The following IRAG1 variants were observed in gnomAD, a reference collection of about 807,000 sequenced individuals.
IRAG1 encodes the protein IP3R-associated cGMP kinase substrate.
In IRAG1, 62 loss-of-function variants were observed where a neutral mutation model predicts 106.2. That is an observed-to-expected ratio of 0.58 (90% CI 0.48 to 0.72). IRAG1 has a LOEUF of 0.72. Ranked by LOEUF, IRAG1 falls within the 30% of genes least tolerant of loss-of-function variation. IRAG1 has a pLI of 0.00. For synonymous variants in IRAG1, 462 were observed against 443.9 expected (o/e 1.04, Z -0.51); for missense variants, 1,064 against 1,140.7 (o/e 0.93, Z 0.97).
chr11:10,655,334 T>G (rs1280887415), intron 1 of IRAG1, among the ~76,000 whole-genome samples: 1 of 152,112 alleles, frequency 6.6e-6, no homozygotes, highest in Admixed American at 6.5e-5. Flanking sequence ...AGAACAAAAA[T>G]TTGTGTTTAA....
intron 12 of IRAG1, among the ~76,000 whole-genome samples, chr11:10,605,038 C>T (rs1854363217): frequency 6.6e-6 from 1 of 152,160 alleles, no homozygotes; most frequent in African/African-American, 2.4e-5. Context: ...ATTCCAAATC[C>T]TGTATTGATA....
At chr11:10,576,653 C>A in intron 20 of IRAG1, 78 bp from the exon 21 acceptor site, 1 of 1,555,176 alleles carries the variant, frequency 6.4e-7, no homozygotes. Context: ...GTTCTCTCTG[C>A]GGATAGCTTC....
intron 1 of IRAG1, among the ~76,000 whole-genome samples, chr11:10,690,019 G>A (rs976323881): frequency 6.6e-6 from 1 of 152,104 alleles, no homozygotes; most frequent in African/African-American, 2.4e-5. Context: ...AAATAAAAAA[G>A]TAATAGGAAG....
intron 1 of IRAG1, among the ~76,000 whole-genome samples, chr11:10,662,777 C>T (rs1859498677): frequency 6.6e-6 from 1 of 152,222 alleles, no homozygotes; most frequent in Non-Finnish European, 1.5e-5. Flanking sequence ...GGACTCATGG[C>T]TTGATTCCTG....
At chr11:10,580,409 A>G in intron 20 of IRAG1, 46 bp downstream of exon 20, 1 of 1,588,942 alleles carries the variant, frequency 6.3e-7, no homozygotes, top group East Asian at 2.2e-5. Context: ...ATGAATTGTA[A>G]CCCCCATTTC....
At position 10,664,144 on chromosome 11, in the gene IRAG1, C is replaced by T. The variant is rs149405434; in HGVS notation, c.68-11962G>A. 1.9e-3 allele frequency among the ~76,000 whole-genome samples: 289 copies of T among 152,286 alleles called. 2 individuals carry two copies. The highest frequency in any genetic ancestry group is 6.7e-3 in the African/African-American group (277 of 41,558). On this transcript the variant is annotated intron_variant, in intron 1 of 20. Coordinates refer to ENST00000423302, the MANE Select transcript of IRAG1 (RefSeq NM_130385.4). ...CACAGCCAACAAGAACAACAGCAGC[C>T]GAGACGCAGCCCCTCTCCGAGGAAC...
chr11:10,591,389 G>A (rs568891102), intron 18 of IRAG1, among the ~76,000 whole-genome samples, 159 bp downstream of exon 18: 2 of 152,272 alleles, frequency 1.3e-5, no homozygotes, highest in East Asian at 3.9e-4. Context: ...TTGCAAACAG[G>A]TTCTGAAATC....
intron 18 of IRAG1, among the ~76,000 whole-genome samples, chr11:10,583,396 C>T (rs536873557): frequency 3.7e-4 from 57 of 152,052 alleles, no homozygotes; most frequent in Non-Finnish European, 7.2e-4. Flanking sequence ...GTCTTGGGAG[C>T]CAGGAGACAA....
At position 10,626,468 on chromosome 11, in the gene IRAG1, T is replaced by C; in HGVS notation, c.866A>G (p.Gln289Arg). 6.2e-7 allele frequency: 1 copy of C among 1,613,908 alleles called. No individual in the cohort carries two copies. Among genetic ancestry groups the C allele is most frequent in the Non-Finnish European group, 8.5e-7 (1 of 1,179,828 alleles). ...VEKSKEIAIE[Q>R]KENFDPLQYP... ...CTGGAGGGGATCGAAGTTTTCCTTTTGTTCTATTGCAATCTCTTTGGACTT... is the reference window on the plus strand; with the variant it reads ...CTGGAGGGGATCGAAGTTTTCCTTTCGTTCTATTGCAATCTCTTTGGACTT... The change falls in exon 9 of 21, where the codon CAA becomes CGA. Residue 289 changes from glutamine to arginine, a missense_variant. Transcript: ENST00000423302.
At position 10,628,594 on chromosome 11, in the gene IRAG1, G is replaced by GC. The variant is rs141344563; in HGVS notation, c.652+156dup. ...GCCTCCTCTGGGTGGCCCAGCAAAT[G>GC]CCCCCCCTGGAGAGGGGTCTTGCTC... On this transcript the variant is annotated intron_variant, in intron 6 of 20. Transcript: ENST00000423302. The surrounding 1 kb of genome is among the most constrained non-coding windows in gnomAD (Gnocchi z 4.1). 0.03 allele frequency among the ~76,000 whole-genome samples: 4,589 copies of GC among 152,148 alleles called. 117 individuals are homozygous for GC. The highest frequency in any genetic ancestry group is 0.066 in the African/African-American group (2,754 of 41,502).
chr11:10,636,294 C>G (rs1015250107), intron 2 of IRAG1, among the ~76,000 whole-genome samples: 4 of 152,190 alleles, frequency 2.6e-5, no homozygotes, highest in Non-Finnish European at 5.9e-5. Flanking sequence ...CCTGGTTCAG[C>G]CTCCTGAGTA....
chr11:10,604,372 C>T lies in IRAG1; in HGVS notation c.1743+33G>A. ...ATGGCCCTTGGGGACAGTCTCTGCT[C>T]CAGGGATTCCTCACATCAGGCTCCA... is the stretch of plus-strand genomic sequence containing the variant. On this transcript the variant is annotated intron_variant, in intron 13 of 20. Coordinates refer to ENST00000423302, the MANE Select transcript of IRAG1 (RefSeq NM_130385.4). The T allele has an allele frequency of 2.5e-6, 4 of 1,613,380 alleles. No individual in the cohort carries two copies. In the South Asian group the frequency reaches 3.3e-5, roughly 13 times the overall value.
At chr11:10,633,267 T>G (rs7130951) in intron 3 of IRAG1, among the ~76,000 whole-genome samples, 24,926 of 151,916 alleles carry the variant, frequency 0.16, 2,494 homozygotes, top group African/African-American at 0.27. Flanking sequence ...AGTAGAGACG[T>G]GGTTTCACTG....
At chr11:10,643,176 CAAAAAAAA>C (rs10679269) in intron 2 of IRAG1, among the ~76,000 whole-genome samples, 3 of 60,246 alleles carry the variant, frequency 5.0e-5, no homozygotes, top group Non-Finnish European at 8.4e-5. Context: ...GACTCCGTCT[CAAAAAAAA>C]AAAAAAAAAA....
At chr11:10,590,066 A>G (rs1231466411) in intron 18 of IRAG1, among the ~76,000 whole-genome samples, 1 of 152,150 alleles carries the variant, frequency 6.6e-6, no homozygotes, top group Non-Finnish European at 1.5e-5. Context: ...TCTCTGAAGT[A>G]GGGATCTGTG....
At chr11:10,635,280 C>G (rs1427531240) in intron 2 of IRAG1, among the ~76,000 whole-genome samples, 2 of 152,178 alleles carry the variant, frequency 1.3e-5, no homozygotes, top group Non-Finnish European at 2.9e-5. Flanking sequence ...TCCTCCTTCC[C>G]ACCCCCTTGA....
At chr11:10,625,498 T>C (rs1303151623) in intron 9 of IRAG1, among the ~76,000 whole-genome samples, 1 of 152,156 alleles carries the variant, frequency 6.6e-6, no homozygotes, top group Non-Finnish European at 1.5e-5. Flanking sequence ...GCAGATGGAC[T>C]TAAAGCTTTT....
chr11:10,659,816 G>A lies in IRAG1; in HGVS notation c.68-7634C>T, dbSNP rs1818497665. Among the ~76,000 whole-genome samples the A allele has an allele frequency of 6.6e-6, 1 of 152,050 alleles. No individual in the cohort carries two copies. The highest frequency in any genetic ancestry group is 1.5e-5 in the Non-Finnish European group (1 of 68,010). The stretch of plus-strand genomic sequence containing the variant: ...CACCGAGAATAGCAGCAAAGTATCT[G>A]AGCCTCCCATTTAGCGCCTAGCAGA... On this transcript the variant is annotated intron_variant, in intron 1 of 20. Coordinates refer to ENST00000423302, the MANE Select transcript of IRAG1 (RefSeq NM_130385.4). This position sits in a 1 kb window ranked among gnomAD's most constrained non-coding sequence, Gnocchi z 4.1.
chr11:10,595,208 AACCACCAC>A (rs58314727), intron 15 of IRAG1, among the ~76,000 whole-genome samples: 19,757 of 152,068 alleles, frequency 0.13, 2,281 homozygotes, highest in African/African-American at 0.31. Context: ...TACAGGCATG[AACCACCAC>A]ACCTGGCCTG....
Sources: allele counts gnomAD v4.1 joint callset (sites outside exome capture counted in the v4.1 genomes callset), GRCh38; gene constraint gnomAD v4.1.1; non-coding constraint Gnocchi (gnomAD v3.1); transcripts MANE v1.5; gene names NCBI Gene and HGNC (gene_info 2026-07-23, HGNC 2026-07-21).